The following CACNA2D1 variants were observed in gnomAD, a reference collection of about 807,000 sequenced individuals.
CACNA2D1 encodes the protein calcium voltage-gated channel auxiliary subunit alpha2delta 1.
CACNA2D1 carries 53 observed loss-of-function variants against 171.5 expected under a neutral mutation model. That is an observed-to-expected ratio of 0.31 (90% confidence interval 0.25 to 0.39). CACNA2D1 has a LOEUF of 0.39. Ranked by LOEUF, CACNA2D1 falls within the 10% of genes least tolerant of loss-of-function variation. The pLI is 1.00. For missense variants in CACNA2D1, 903 were observed against 1,299.8 expected (o/e 0.69, Z 4.69); for synonymous variants, 442 against 443.1 (o/e 1.00, Z 0.03).
At chr7:82,039,173 T>A (rs929585669) in intron 10 of CACNA2D1, among the ~76,000 whole-genome samples, 5 of 152,174 alleles carry the variant, frequency 3.3e-5, no homozygotes, top group Non-Finnish European at 7.3e-5. Flanking sequence ...AGATAAAATG[T>A]TAAAGATATT....
chr7:82,256,534 A>G (rs989167675), intron 3 of CACNA2D1, among the ~76,000 whole-genome samples: 22 of 152,216 alleles, frequency 1.4e-4, no homozygotes, highest in Non-Finnish European at 3.1e-4. Flanking sequence ...TTGCATGCCT[A>G]CATGGTGTAG....
At chr7:82,076,506 G>A (rs2128999596) in intron 7 of CACNA2D1, among the ~76,000 whole-genome samples, 1 of 152,120 alleles carries the variant, frequency 6.6e-6, no homozygotes, top group East Asian at 1.9e-4. Flanking sequence ...CTCTACATCA[G>A]TCATTAAATT....
At chr7:82,343,429 G>A (rs1156675289) in intron 2 of CACNA2D1, among the ~76,000 whole-genome samples, 1 of 152,300 alleles carries the variant, frequency 6.6e-6, no homozygotes, top group East Asian at 1.9e-4. Context: ...TTTTCTCCAT[G>A]TTATACATAG....
chr7:82,195,889 C>A (rs1798803264), intron 3 of CACNA2D1, among the ~76,000 whole-genome samples: 1 of 151,986 alleles, frequency 6.6e-6, no homozygotes, highest in Non-Finnish European at 1.5e-5. Flanking sequence ...GAGAGTTACA[C>A]TTTGCAGTGG....
At chr7:82,323,559 T>A (rs1277595330) in intron 3 of CACNA2D1, among the ~76,000 whole-genome samples, 2 of 152,180 alleles carry the variant, frequency 1.3e-5, no homozygotes, top group Non-Finnish European at 2.9e-5. Flanking sequence ...AAGGACCCCA[T>A]GTTTGGTTTC....
intron 6 of CACNA2D1, among the ~76,000 whole-genome samples, chr7:82,104,787 G>T (rs1050959148): frequency 2.0e-4 from 30 of 151,938 alleles, no homozygotes; most frequent in Non-Finnish European, 3.5e-4. Context: ...AGTACGATAC[G>T]ATTTAAGAAT....
At chr7:82,008,433 A>C (rs1303594791) in intron 15 of CACNA2D1, among the ~76,000 whole-genome samples, 2 of 152,176 alleles carry the variant, frequency 1.3e-5, no homozygotes, top group Non-Finnish European at 2.9e-5. Flanking sequence ...AGAGTTTAAC[A>C]TAGTAGAACT....
At chr7:82,277,076 G>A (rs903533301) in intron 3 of CACNA2D1, among the ~76,000 whole-genome samples, 3 of 151,920 alleles carry the variant, frequency 2.0e-5, no homozygotes, top group African/African-American at 4.8e-5. Context: ...ATCACTTTAT[G>A]TTTGGCCATT....
intron 1 of CACNA2D1, among the ~76,000 whole-genome samples, chr7:82,398,954 T>C (rs1826045827): frequency 6.6e-6 from 1 of 151,898 alleles, no homozygotes; most frequent in African/African-American, 2.4e-5. Flanking sequence ...TGATATTCCT[T>C]TTACTCTTTC....
chr7:82,373,106 C>T (rs1024525745), intron 1 of CACNA2D1, among the ~76,000 whole-genome samples: 1 of 152,118 alleles, frequency 6.6e-6, no homozygotes, highest in Non-Finnish European at 1.5e-5. Flanking sequence ...ATCGCTTGAA[C>T]CCAGGAGGCA....
intron 12 of CACNA2D1, among the ~76,000 whole-genome samples, chr7:82,031,378 C>T (rs1802679000): frequency 6.6e-6 from 1 of 151,902 alleles, no homozygotes; most frequent in East Asian, 1.9e-4. Context: ...CCATTCATTT[C>T]TGATGATTTC....
At chr7:82,406,994 A>C (rs1037459710) in intron 1 of CACNA2D1, among the ~76,000 whole-genome samples, 1 of 152,236 alleles carries the variant, frequency 6.6e-6, no homozygotes, top group African/African-American at 2.4e-5. Flanking sequence ...CTATCATAAC[A>C]ATTAATTACC....
intron 3 of CACNA2D1, among the ~76,000 whole-genome samples, chr7:82,297,106 G>T (rs1326876036): frequency 8.8e-6 from 1 of 113,480 alleles, no homozygotes; most frequent in Non-Finnish European, 1.9e-5. Context: ...AATTAGCCAG[G>T]TATGGTGGCA....
chr7:82,208,367 A>T (rs577782399), intron 3 of CACNA2D1, among the ~76,000 whole-genome samples: 1 of 152,296 alleles, frequency 6.6e-6, no homozygotes, highest in Non-Finnish European at 1.5e-5. Flanking sequence ...TATAGAATTT[A>T]CATTAAAAAA....
chr7:82,149,779 AAAAC>A (rs1426089684), intron 4 of CACNA2D1, among the ~76,000 whole-genome samples: 16 of 144,250 alleles, frequency 1.1e-4, no homozygotes, highest in African/African-American at 4.0e-4. Context: ...ATACAAAAAA[AAAAC>A]AAACAAACAA....
chr7:82,203,916 A>G (rs111634773), intron 3 of CACNA2D1, among the ~76,000 whole-genome samples: 1 of 152,196 alleles, frequency 6.6e-6, no homozygotes, highest in Non-Finnish European at 1.5e-5. Context: ...CATCCACTTT[A>G]GCAAAGTGGG....
At chr7:82,312,571 C>G (rs192061765) in intron 3 of CACNA2D1, among the ~76,000 whole-genome samples, 1 of 144,204 alleles carries the variant, frequency 6.9e-6, no homozygotes, top group Non-Finnish European at 1.5e-5. Context: ...CTGGAATGTG[C>G]AGTGGCACGA....
At chr7:82,015,814 C>T (rs1168835976) in intron 12 of CACNA2D1, among the ~76,000 whole-genome samples, 2 of 152,168 alleles carry the variant, frequency 1.3e-5, no homozygotes, top group African/African-American at 2.4e-5. Flanking sequence ...GATTTCACAT[C>T]TGTTCTCTGT....
chr7:82,001,357 A>C (rs528568633), intron 18 of CACNA2D1, among the ~76,000 whole-genome samples: 2 of 152,306 alleles, frequency 1.3e-5, no homozygotes, highest in South Asian at 2.1e-4. Context: ...ATTTGACATT[A>C]ATTTTACAAT....
Sources: allele counts gnomAD v4.1 joint callset (sites outside exome capture counted in the v4.1 genomes callset), GRCh38; gene constraint gnomAD v4.1.1; transcripts MANE v1.5; gene names NCBI Gene and HGNC (gene_info 2026-07-23, HGNC 2026-07-21).